Variants in SERGEF observed in about 807,000 individuals in gnomAD.
SERGEF encodes the protein secretion-regulating guanine nucleotide exchange factor.
In SERGEF, 51 loss-of-function variants were observed where a neutral mutation model predicts 50.0. The observed-to-expected ratio is 1.02, with a 90% CI of 0.81 to 1.29. The LOEUF (loss-of-function observed/expected upper bound fraction) is 1.29, where lower values mean the gene tolerates loss of function less well. Among genes scored for constraint, SERGEF ranks in the 50% most tolerant of loss-of-function variants. The pLI, the probability that SERGEF is intolerant of heterozygous loss-of-function variation, is 0.00. For missense variants in SERGEF, 521 were observed against 557.0 expected, an observed-to-expected ratio of 0.94 and a Z score of 0.65; for synonymous variants, 205 against 212.4, an observed-to-expected ratio of 0.97 and a Z score of 0.30.
In SERGEF at chr11:17,914,304, T is replaced by C. The variant is rs1475630026; in HGVS notation, c.1012-36060A>G. 4.6e-5 allele frequency among the ~76,000 whole-genome samples: 7 copies of C among 152,372 alleles called. No individual in the cohort carries two copies. The East Asian group carries it at 1.3e-3, about 29-fold the overall frequency. On this transcript the variant is annotated intron_variant, in intron 9 of 10. Coordinates refer to ENST00000265965, the MANE Select transcript of SERGEF (RefSeq NM_012139.4). ...CATTATTTCAGCTACATATTATCAG[T>C]ACCTGAGGAGCTCTTACAAAATACT... is the stretch of plus-strand genomic sequence containing the variant.
At chr11:17,791,488 T>C (rs965270449) in intron 10 of SERGEF, among the ~76,000 whole-genome samples, 3 of 152,264 alleles carry the variant, frequency 2.0e-5, no homozygotes, top group Non-Finnish European at 4.4e-5. Context: ...AAATGGTATC[T>C]CTTGTTTTAA....
intron 10 of SERGEF, among the ~76,000 whole-genome samples, chr11:17,870,708 T>C (rs1460837839): frequency 6.6e-6 from 1 of 152,182 alleles, no homozygotes; most frequent in Non-Finnish European, 1.5e-5. Context: ...TACAAATAGT[T>C]CTTGAACATA....
rs554181572 is a variant in SERGEF, at chr11:17,966,195, C to T, written c.845-6559G>A. Among the ~76,000 whole-genome samples the T allele has an allele frequency of 7.9e-5, 12 of 152,026 alleles. No individual in the cohort carries two copies. In the South Asian group the frequency reaches 2.5e-3, roughly 32 times the overall value. The stretch of plus-strand genomic sequence containing the variant: ...GATTCAAGCATAGTGGCTTGCACAT[C>T]AGAAGCCTCTAATGTACGAGACAAA... On this transcript the variant is annotated intron_variant, in intron 8 of 10. Transcript: ENST00000265965.
chr11:17,995,930 G>A, intron 5 of SERGEF, 21 bp from the exon 6 acceptor site: 2 of 1,547,764 alleles, frequency 1.3e-6, no homozygotes, highest in South Asian at 2.2e-5. Context: ...GAATGGAAGA[G>A]AAAGCAGAGA....
At chr11:17,950,384 C>T in intron 9 of SERGEF, among the ~76,000 whole-genome samples, 1 of 152,198 alleles carries the variant, frequency 6.6e-6, no homozygotes, top group East Asian at 1.9e-4. Flanking sequence ...AAATGCTTGG[C>T]TAAGTTTCTT....
intron 10 of SERGEF, among the ~76,000 whole-genome samples, chr11:17,802,377 G>T (rs1375739161): frequency 6.6e-6 from 1 of 151,932 alleles, no homozygotes; most frequent in African/African-American, 2.4e-5. Flanking sequence ...CTCCACCTGG[G>T]ACTACTCAGC....
Position 17,888,062 on chromosome 11 carries a change from G to C in SERGEF, c.1012-9818C>G, listed in dbSNP as rs1450970298. Among the ~76,000 whole-genome samples, 13 of 152,156 alleles carry C rather than the reference G, an allele frequency of 8.5e-5. No homozygotes were observed. Among genetic ancestry groups the C allele is most frequent in the African/African-American group, 3.1e-4 (13 of 41,432 alleles). ...GCACAAACCCTATTGTGAACTCCGC[G>C]TGGGAGGGATCTAGGCTGCGCAATC... On this transcript the variant is annotated intron_variant, in intron 9 of 10. Coordinates refer to ENST00000265965, the MANE Select transcript of SERGEF (RefSeq NM_012139.4). The surrounding 1 kb of genome is among the most constrained non-coding windows in gnomAD (Gnocchi z 4.1).
intron 10 of SERGEF, among the ~76,000 whole-genome samples, chr11:17,804,730 C>A (rs896251797): frequency 6.6e-6 from 1 of 152,168 alleles, no homozygotes. Context: ...TAAATGCCAA[C>A]AACTATTATT....
intron 9 of SERGEF, among the ~76,000 whole-genome samples, chr11:17,886,267 C>T (rs1851426394): frequency 6.6e-6 from 1 of 152,106 alleles, no homozygotes; most frequent in Non-Finnish European, 1.5e-5. Context: ...TATTTGAGAA[C>T]ATATGAAAGG....
chr11:17,959,716 G>C (rs1852958342), intron 8 of SERGEF, 80 bp from the exon 9 acceptor site: 2 of 1,289,002 alleles, frequency 1.6e-6, no homozygotes, highest in Non-Finnish European at 1.1e-6. Flanking sequence ...ACAAGAGAAA[G>C]TGTGACATTT....
chr11:17,873,198 C>A (rs566312849), intron 10 of SERGEF, among the ~76,000 whole-genome samples: 2 of 152,296 alleles, frequency 1.3e-5, no homozygotes, highest in Non-Finnish European at 2.9e-5. Flanking sequence ...GGGTAAAAGA[C>A]CTAACACACA....
intron 9 of SERGEF, among the ~76,000 whole-genome samples, chr11:17,882,815 C>T (rs1451393169): frequency 6.6e-6 from 1 of 152,202 alleles, no homozygotes; most frequent in Admixed American, 6.5e-5. Flanking sequence ...TAGAAGGATA[C>T]AGCATGAAGA....
chr11:18,006,714 T>G lies in SERGEF; in HGVS notation c.229A>C (p.Lys77Gln), dbSNP rs750755119. Residue 77 changes from lysine to glutamine, a missense_variant, in exon 3 of 11, where the codon AAA becomes CAA. Coordinates refer to ENST00000265965, the MANE Select transcript of SERGEF (RefSeq NM_012139.4). The part of the protein sequence containing the change: ...GGDLFVCGLN[K>Q]DGQLGLGHTE... ...TGACCAAGCCCCAGTTGCCCATCTT[T>G]GTTCAGGCCACAAACAAAGAGGTCT... The G allele has an allele frequency of 1.3e-4, 203 of 1,614,106 alleles. 1 individual carries two copies. The highest frequency in any genetic ancestry group is 1.6e-4 in the Non-Finnish European group (187 of 1,180,040).
At chr11:18,002,054 T>C (rs1408626943) in intron 4 of SERGEF, 3 of 456,200 alleles carry the variant, frequency 6.6e-6, no homozygotes, top group Admixed American at 2.3e-5. Context: ...CTGGAAACTA[T>C]ACTTCTGTCA....
chr11:17,805,335 T>C (rs1282296705), intron 10 of SERGEF, among the ~76,000 whole-genome samples: 2 of 152,202 alleles, frequency 1.3e-5, no homozygotes, highest in Non-Finnish European at 2.9e-5. Context: ...GATCTGATGG[T>C]TGATGTTCCA....
intron 10 of SERGEF, among the ~76,000 whole-genome samples, chr11:17,790,521 G>A (rs1202123722): frequency 6.6e-6 from 1 of 151,990 alleles, no homozygotes; most frequent in Non-Finnish European, 1.5e-5. Context: ...TAATATCATT[G>A]TTGCTGTTTT....
chr11:17,868,732 A>G (rs1284503783), intron 10 of SERGEF, among the ~76,000 whole-genome samples: 1 of 152,184 alleles, frequency 6.6e-6, no homozygotes, highest in East Asian at 1.9e-4. Flanking sequence ...ATGGCAGGGG[A>G]GGCCTCACAA....
chr11:17,819,926 C>T (rs1850045990), intron 10 of SERGEF, among the ~76,000 whole-genome samples: 1 of 152,202 alleles, frequency 6.6e-6, no homozygotes, highest in Non-Finnish European at 1.5e-5. Context: ...GCAGCCTCAA[C>T]CTCCCAGGCT....
At chr11:17,873,418 A>G (rs1731165519) in intron 10 of SERGEF, among the ~76,000 whole-genome samples, 1 of 152,170 alleles carries the variant, frequency 6.6e-6, no homozygotes, top group Non-Finnish European at 1.5e-5. Flanking sequence ...GCTCTCTACA[A>G]GGCCCTAGGG....
Sources: allele counts gnomAD v4.1 joint callset (sites outside exome capture counted in the v4.1 genomes callset), GRCh38; gene constraint gnomAD v4.1.1; non-coding constraint Gnocchi (gnomAD v3.1); transcripts MANE v1.5; gene names NCBI Gene and HGNC (gene_info 2026-07-23, HGNC 2026-07-21).